The following SUCLG2 variants were observed in gnomAD, a reference collection of about 807,000 sequenced individuals.
SUCLG2 encodes the protein succinate--CoA ligase [GDP-forming] subunit beta, mitochondrial.
In SUCLG2, 42 loss-of-function variants were observed where a neutral mutation model predicts 47.9. The ratio of observed to expected loss-of-function variants is 0.88; its 90% CI spans 0.69 to 1.14. The LOEUF (loss-of-function observed/expected upper bound fraction) is 1.14. SUCLG2 is among the 50% of genes most tolerant of loss of function. SUCLG2 has a pLI of 0.00. For synonymous variants in SUCLG2, 195 were observed against 197.3 expected (o/e 0.99, Z 0.10); for missense variants, 571 against 525.9 (o/e 1.09, Z -0.84).
In SUCLG2 at chr3:67,445,717, A is replaced by T. The variant is rs1703911678; in HGVS notation, c.1063-44866T>A. Among the ~76,000 whole-genome samples, 2 of 43,920 alleles carry T rather than the reference A, an allele frequency of 4.6e-5. 1 individual carries two copies. Among genetic ancestry groups the T allele is most frequent in the Non-Finnish European group, 9.4e-5 (2 of 21,184 alleles). The allele number at this position is 43,920 out of a possible 152,430, so 28.8% of individuals were successfully genotyped here. A position where few individuals can be genotyped will look rare whatever the true frequency, so the allele number is the denominator to read the frequency against. ...CTGACCATTTTTGAGAGAATGAGAG[A>T]CATATTCTGCTCAGTGTAAAAGTGG... On this transcript the variant is annotated intron_variant, in intron 9 of 10. Transcript: ENST00000307227.
At chr3:67,390,209 G>A (rs1331960896) in intron 10 of SUCLG2, among the ~76,000 whole-genome samples, 1 of 152,178 alleles carries the variant, frequency 6.6e-6, no homozygotes, top group Admixed American at 6.5e-5. Context: ...AATAAAGTAA[G>A]TGGCCTTCTT....
At chr3:67,450,622 ACAT>A (rs1704034338) in intron 9 of SUCLG2, among the ~76,000 whole-genome samples, 1 of 152,228 alleles carries the variant, frequency 6.6e-6, no homozygotes, top group Admixed American at 6.5e-5. Flanking sequence ...CCTTTTTCAG[ACAT>A]CATCTTTCTA....
chr3:67,500,414 G>A (rs1705465255), intron 7 of SUCLG2, among the ~76,000 whole-genome samples: 1 of 152,196 alleles, frequency 6.6e-6, no homozygotes, highest in South Asian at 2.1e-4. Flanking sequence ...AGCGACAAGA[G>A]AGAATCTTAT....
chr3:67,627,954 C>A (rs1700863231), intron 1 of SUCLG2, among the ~76,000 whole-genome samples: 1 of 152,288 alleles, frequency 6.6e-6, no homozygotes, highest in South Asian at 2.1e-4. Context: ...GGGACACTGC[C>A]TCCTGCAAGT....
chr3:67,514,316 C>A, intron 6 of SUCLG2: 2 of 402,586 alleles, frequency 5.0e-6, no homozygotes, highest in South Asian at 4.6e-5. Flanking sequence ...TTTAACATCT[C>A]ATATTAAGTC....
chr3:67,563,019 T>C (rs920267784), intron 2 of SUCLG2, among the ~76,000 whole-genome samples: 3 of 151,056 alleles, frequency 2.0e-5, no homozygotes, highest in African/African-American at 4.8e-5. Context: ...ATGTTTGATA[T>C]AGCTTAGGAA....
In SUCLG2 at chr3:67,459,708, A is replaced by G. The variant is rs1427231438; in HGVS notation, c.1062+36090T>C. Among the ~76,000 whole-genome samples, 3 of 152,208 alleles carry G rather than the reference A, an allele frequency of 2.0e-5. No individual in the cohort carries two copies. The East Asian group carries it at 5.8e-4, about 29-fold the overall frequency. On this transcript the variant is annotated intron_variant, in intron 9 of 10. Coordinates refer to ENST00000307227, the MANE Select transcript of SUCLG2 (RefSeq NM_003848.4). ...TGCTAGGAACAAAGAAATAAATATA[A>G]GGACTTAAACATACAAGGATTTATT...
chr3:67,562,468 G>C (rs541192919), intron 2 of SUCLG2, among the ~76,000 whole-genome samples: 122 of 152,232 alleles, frequency 8.0e-4, no homozygotes, highest in African/African-American at 2.8e-3. Context: ...AGTAGAGACA[G>C]GGTTTCGCCA....
intron 1 of SUCLG2, among the ~76,000 whole-genome samples, chr3:67,625,879 C>A (rs914742904): frequency 6.6e-6 from 1 of 150,794 alleles, no homozygotes. Flanking sequence ...CATAGCAGCA[C>A]TAGGGGAAAA....
intron 2 of SUCLG2, among the ~76,000 whole-genome samples, chr3:67,592,955 T>C (rs1708205744): frequency 6.6e-6 from 1 of 152,170 alleles, no homozygotes; most frequent in African/African-American, 2.4e-5. Context: ...GCTTCCTTGC[T>C]TACTATAGAA....
intron 9 of SUCLG2, among the ~76,000 whole-genome samples, chr3:67,433,052 C>T (rs1001524801): frequency 2.0e-5 from 3 of 152,164 alleles, no homozygotes; most frequent in Admixed American, 6.5e-5. Context: ...GTACTGTTCT[C>T]CCCTATGTTA....
intron 10 of SUCLG2, among the ~76,000 whole-genome samples, chr3:67,367,472 TTTTTC>T (rs1306158582): frequency 6.6e-6 from 1 of 152,200 alleles, no homozygotes; most frequent in Non-Finnish European, 1.5e-5. Flanking sequence ...TATGCAGTGC[TTTTTC>T]TTTTGGTAAT....
At chr3:67,425,482 T>G (rs994844999) in intron 9 of SUCLG2, among the ~76,000 whole-genome samples, 76 of 152,132 alleles carry the variant, frequency 5.0e-4, no homozygotes, top group Non-Finnish European at 9.9e-4. Flanking sequence ...CTCACCAAAG[T>G]GGGTGGGCAC....
At chr3:67,592,491 T>C (rs182437130) in intron 2 of SUCLG2, among the ~76,000 whole-genome samples, 4 of 152,230 alleles carry the variant, frequency 2.6e-5, no homozygotes, top group East Asian at 1.9e-4. Flanking sequence ...TCCCAGTTCA[T>C]AGAGAAAGAA....
chr3:67,582,224 C>T (rs954428618), intron 2 of SUCLG2, among the ~76,000 whole-genome samples: 1 of 152,116 alleles, frequency 6.6e-6, no homozygotes, highest in Non-Finnish European at 1.5e-5. Flanking sequence ...AGGTAATAAG[C>T]ATAGTACCTG....
At chr3:67,592,153 TGG>T (rs1708180059) in intron 2 of SUCLG2, among the ~76,000 whole-genome samples, 1 of 152,212 alleles carries the variant, frequency 6.6e-6, no homozygotes, top group East Asian at 1.9e-4. Context: ...AGATCTCATG[TGG>T]GAAAATTAGA....
At chr3:67,504,187 G>C (rs1266764159) in intron 7 of SUCLG2, among the ~76,000 whole-genome samples, 1 of 150,556 alleles carries the variant, frequency 6.6e-6, no homozygotes, top group Admixed American at 6.6e-5. Context: ...GATGTTCTGA[G>C]AGTTGTATAC....
intron 9 of SUCLG2, among the ~76,000 whole-genome samples, chr3:67,442,739 G>C (rs1260668290): frequency 1.3e-5 from 2 of 152,176 alleles, no homozygotes; most frequent in Non-Finnish European, 2.9e-5. Context: ...TTAATCAACT[G>C]CTTGGCAAGC....
chr3:67,523,015 C>T, intron 4 of SUCLG2, among the ~76,000 whole-genome samples: 1 of 152,034 alleles, frequency 6.6e-6, no homozygotes, highest in East Asian at 1.9e-4. Flanking sequence ...GTCTCAATCT[C>T]CTGACCTCGT....
Sources: allele counts gnomAD v4.1 joint callset (sites outside exome capture counted in the v4.1 genomes callset), GRCh38; gene constraint gnomAD v4.1.1; transcripts MANE v1.5; gene names NCBI Gene and HGNC (gene_info 2026-07-23, HGNC 2026-07-21).